Variants in PLCH2 observed in about 807,000 individuals in gnomAD.
PLCH2 encodes the protein 1-phosphatidylinositol 4,5-bisphosphate phosphodiesterase eta-2.
Under a neutral mutation model 134.7 loss-of-function variants are expected in PLCH2, and 98 were observed. That is an observed-to-expected ratio of 0.73 (90% CI 0.62 to 0.86). PLCH2 has a LOEUF of 0.86. Ranked by LOEUF, PLCH2 falls within the 40% of genes least tolerant of loss-of-function variation. PLCH2 has a pLI of 0.00. For synonymous variants in PLCH2, 974 were observed against 827.5 expected (o/e 1.18, Z -3.04); for missense variants, 1,994 against 1,986.6 (o/e 1.00, Z -0.07).
rs751086047 is a variant in PLCH2, at chr1:2,498,810, C to T, written c.2416C>T (p.Arg806Cys). The stretch of plus-strand genomic sequence containing the variant: ...TGTGGACTGCAGCAGGGAGCAGACC[C>T]GCGTGGTGGACGACAACGGTGAGGC... ...LPVDCSREQT[R>C]VVDDNGFNPT... The change falls in exon 18 of 22, where the codon CGC becomes TGC. Residue 806 changes from arginine to cysteine, a missense_variant. Around this residue, in one of 2 missense-constraint regions of PLCH2, gnomAD observed 1,094 missense variants for 1,234.3 expected, o/e 0.89. Transcript: ENST00000378486. The surrounding 1 kb of genome is among the most constrained non-coding windows in gnomAD (Gnocchi z 5.4). 17 of 1,609,878 alleles carry T rather than the reference C, an allele frequency of 1.1e-5. No individual in the cohort carries two copies. The highest frequency in any genetic ancestry group is 6.7e-5 in the East Asian group (3 of 44,822).
At chr1:2,496,057 C>T (rs1479181047) in intron 13 of PLCH2, among the ~76,000 whole-genome samples, 6 of 152,008 alleles carry the variant, frequency 3.9e-5, no homozygotes, top group Non-Finnish European at 8.8e-5. Flanking sequence ...ACCCTGGGCT[C>T]CCCCCGTGCC....
chr1:2,478,483 G>A lies in PLCH2; in HGVS notation c.132G>A (p.Arg44=), dbSNP rs774364989. 21 of 1,612,564 alleles carry A rather than the reference G, an allele frequency of 1.3e-5. No individual in the cohort carries two copies. Among genetic ancestry groups the A allele is most frequent in the Admixed American group, 5.0e-5 (3 of 59,998 alleles). ...TGTCTCTCCCGTGTCCAGTGGAGCGGTGCATGGGTGCCATGCAAGAGGGGA... is the reference window on the plus strand; with the variant it reads ...TGTCTCTCCCGTGTCCAGTGGAGCGATGCATGGGTGCCATGCAAGAGGGGA... ...SEWQLGPLVE[R]CMGAMQEGMQ... is the part of the protein sequence containing the mutation. The change falls in exon 2 of 22, where the codon CGG becomes CGA. Residue 44 remains arginine, a synonymous_variant. Transcript: ENST00000378486.
chr1:2,481,500 G>T (rs1641966841), intron 4 of PLCH2, among the ~76,000 whole-genome samples: 2 of 152,230 alleles, frequency 1.3e-5, no homozygotes, highest in South Asian at 2.1e-4. Context: ...CGGGCAGCAG[G>T]GTGGCTTAGG....
Position 2,505,270 on chromosome 1 carries a change from T to C in PLCH2, c.*57T>C. ...AGGCCCAGGGCAGGGGTGGGCGTGT[T>C]GTTTGCTCAGGAAACAGGGCAGCCA... On this transcript the variant is annotated 3_prime_UTR_variant, in exon 22 of 22. Coordinates refer to ENST00000378486, the MANE Select transcript of PLCH2 (RefSeq NM_014638.4). 3 of 1,386,208 alleles carry C rather than the reference T, an allele frequency of 2.2e-6. No homozygotes were observed. The highest frequency in any genetic ancestry group is 2.9e-6 in the Non-Finnish European group (3 of 1,024,172). 85.9% of individuals were successfully genotyped at this position (1,386,208 alleles called of 1,614,324 possible).
intron 16 of PLCH2, 65 bp downstream of exon 16, chr1:2,497,674 A>T: frequency 1.8e-6 from 2 of 1,132,304 alleles, no homozygotes; most frequent in Non-Finnish European, 2.6e-6. Context: ...GGGTGTCCCC[A>T]GAACAGAGAT....
At chr1:2,482,288 A>G (rs533892970) in intron 4 of PLCH2, among the ~76,000 whole-genome samples, 155 of 152,342 alleles carry the variant, frequency 1.0e-3, no homozygotes, top group African/African-American at 3.4e-3. Flanking sequence ...CAGCTCAGCC[A>G]CAGGCCCTGG....
chr1:2,490,799 G>GC (rs1642531412), intron 10 of PLCH2, among the ~76,000 whole-genome samples: 1 of 152,158 alleles, frequency 6.6e-6, no homozygotes, highest in Non-Finnish European at 1.5e-5. Flanking sequence ...TTCATCAGGG[G>GC]CACCCGGGGG....
Position 2,494,609 on chromosome 1 carries a change from C to T in PLCH2, c.1660-247C>T, listed in dbSNP as rs374011784. On this transcript the variant is annotated intron_variant, in intron 11 of 21. Coordinates refer to ENST00000378486, the MANE Select transcript of PLCH2 (RefSeq NM_014638.4). ...GGCAGGTGTGAGCGAATGTTTCCAC[C>T]GGGGCCTGACTTTCAGGCCGCTTCT... 3.9e-3 allele frequency: 2,293 copies of T among 583,036 alleles called. 7 individuals carry two copies. Among genetic ancestry groups the T allele is most frequent in the Non-Finnish European group, 4.8e-3 (1,578 of 325,892 alleles). The allele number at this position is 583,036 out of a possible 1,614,324, so 36.1% of individuals were successfully genotyped here.
chr1:2,451,804 C>T (rs992571522), intron 2 of PLCH2, among the ~76,000 whole-genome samples: 3 of 152,202 alleles, frequency 2.0e-5, no homozygotes, highest in Non-Finnish European at 4.4e-5. Context: ...CCCAGCCCTG[C>T]CCCCACTGCG....
chr1:2,419,105 ATCTG>A, the PLCH2 span, among the ~76,000 whole-genome samples: 1 of 151,900 alleles, frequency 6.6e-6, no homozygotes, highest in African/African-American at 2.4e-5. Flanking sequence ...AGGCTCCCCC[ATCTG>A]TCTGCCCAGC....
At chr1:2,499,946 C>G (rs375945418) in intron 20 of PLCH2, 2 of 602,410 alleles carry the variant, frequency 3.3e-6, no homozygotes, top group Non-Finnish European at 5.9e-6. Context: ...TTGGGCATCT[C>G]GGGCAGGACA....
At chr1:2,473,825 T>C (rs1412581609), upstream of PLCH2, among the ~76,000 whole-genome samples, 2 of 152,202 alleles carry the variant, frequency 1.3e-5, no homozygotes, top group East Asian at 1.9e-4. Flanking sequence ...ACGGAGCCTA[T>C]ATCTGCCCGA....
chr1:2,496,529 C>G, intron 13 of PLCH2, 78 bp from the exon 14 acceptor site: 2 of 1,205,220 alleles, frequency 1.7e-6, no homozygotes, highest in Non-Finnish European at 2.4e-6. Flanking sequence ...CTGCCCGAGC[C>G]CTGGAGCCCG....
chr1:2,470,496 G>A (rs971447339), intron 1 of PLCH2, among the ~76,000 whole-genome samples: 3 of 152,238 alleles, frequency 2.0e-5, no homozygotes, highest in Non-Finnish European at 4.4e-5. Context: ...CTCTGGCAGA[G>A]CATTCGTGGG....
At chr1:2,497,783 TG>T in intron 16 of PLCH2, 174 bp downstream of exon 16, 1 of 468,064 alleles carries the variant, frequency 2.1e-6, no homozygotes, top group Non-Finnish European at 3.9e-6. Context: ...GGGAGGTGGG[TG>T]GGGGAACCCT....
chr1:2,501,742 G>A (rs983180199), intron 20 of PLCH2: 3 of 232,554 alleles, frequency 1.3e-5, no homozygotes, highest in Admixed American at 5.7e-5. Flanking sequence ...CCTCTGAGCA[G>A]GTGCAGGCTG....
At chr1:2,484,854 G>C (rs1642206954) in intron 5 of PLCH2, among the ~76,000 whole-genome samples, 1 of 152,124 alleles carries the variant, frequency 6.6e-6, no homozygotes, top group Admixed American at 6.5e-5. Context: ...GATATTACAG[G>C]GTGCGCTCTA....
upstream of PLCH2, among the ~76,000 whole-genome samples, chr1:2,421,998 C>T (rs1339391060): frequency 6.9e-6 from 1 of 145,624 alleles, no homozygotes; most frequent in East Asian, 2.1e-4. Context: ...AGGCCAGGCG[C>T]AGTGGCTCAC....
chr1:2,489,378 GGTGA>G lies in PLCH2; in HGVS notation c.1407+6_1407+9del, dbSNP rs1284571136. ...TGCTCAAGGGCAAGATCCTCGTGAAGGTGAGTGAGCCCCTGCCCTCCTGGGACCA... is the reference window on the plus strand; with the variant it reads ...TGCTCAAGGGCAAGATCCTCGTGAAGGTGAGCCCCTGCCCTCCTGGGACCA... On this transcript the variant is annotated splice_donor_variant and splice_donor_region_variant and intron_variant, in intron 9 of 21. Coordinates refer to ENST00000378486, the MANE Select transcript of PLCH2 (RefSeq NM_014638.4). LOFTEE classifies it high-confidence loss of function. 2 of 1,613,508 alleles carry G rather than the reference GGTGA, an allele frequency of 1.2e-6. No individual in the cohort carries two copies. Among genetic ancestry groups the G allele is most frequent in the South Asian group, 2.2e-5 (2 of 91,070 alleles).
Sources: allele counts gnomAD v4.1 joint callset (sites outside exome capture counted in the v4.1 genomes callset), GRCh38; gene constraint gnomAD v4.1.1; regional missense constraint gnomAD v4.1.1; non-coding constraint Gnocchi (gnomAD v3.1); transcripts MANE v1.5; gene names NCBI Gene and HGNC (gene_info 2026-07-23, HGNC 2026-07-21).